MBOAT1: variants seen among roughly 807,000 people sequenced by gnomAD.
MBOAT1 encodes membrane bound glycerophospholipid O-acyltransferase 1.
In MBOAT1, 67 loss-of-function variants were observed where a neutral mutation model predicts 64.4. The observed-to-expected ratio is 1.04, with a 90% confidence interval of 0.85 to 1.27. MBOAT1 has a LOEUF of 1.27. Ranked by LOEUF, MBOAT1 falls within the 50% of genes most tolerant of loss-of-function variation. The pLI is 0.00. For missense variants in MBOAT1, 563 were observed against 604.6 expected (o/e 0.93, Z 0.72); for synonymous variants, 229 against 218.9 (o/e 1.05, Z -0.41).
At chr6:20,211,751 A>C (rs1402154334) in intron 1 of MBOAT1, among the ~76,000 whole-genome samples, 1 of 152,122 alleles carries the variant, frequency 6.6e-6, no homozygotes, top group Non-Finnish European at 1.5e-5. Flanking sequence ...CTTGTTTTTT[A>C]AGTAGGGTCA....
chr6:20,134,161 C>G (rs1760911768), intron 4 of MBOAT1, among the ~76,000 whole-genome samples: 1 of 152,182 alleles, frequency 6.6e-6, no homozygotes, highest in Admixed American at 6.5e-5. Context: ...ATCCATTTCC[C>G]TCTCCAATTT....
intron 1 of MBOAT1, among the ~76,000 whole-genome samples, chr6:20,186,680 G>C (rs1022655591): frequency 6.6e-6 from 1 of 152,182 alleles, no homozygotes; most frequent in African/African-American, 2.4e-5. Context: ...TCAAAGGTAC[G>C]TCTGTGGCAA....
At position 20,212,206 on chromosome 6, in the gene MBOAT1, A is replaced by C. The variant is rs1292948224; in HGVS notation, c.29T>G (p.Leu10Arg). The C allele has an allele frequency of 8.7e-6, 14 of 1,613,158 alleles. No homozygotes were observed. The highest frequency in any genetic ancestry group is 1.2e-5 in the Non-Finnish European group (14 of 1,179,842). MAAEPQPSS[L>R]SYRTTGSTYL... ...GGTGGAGCCCGTGGTGCGGTAGGAA[A>C]GGCTGGACGGCTGCGGCTCTGCTGC... The change falls in exon 1 of 13, where the codon CTT becomes CGT. Residue 10 changes from leucine to arginine, a missense_variant. Transcript: ENST00000324607.
At chr6:20,107,563 G>A (rs143237183) in intron 12 of MBOAT1, among the ~76,000 whole-genome samples, 1,809 of 152,178 alleles carry the variant, frequency 0.012, 12 homozygotes, top group Non-Finnish European at 0.018. Flanking sequence ...TTATACATGT[G>A]TCAATTACTC....
chr6:20,132,854 C>A (rs1308776307), intron 4 of MBOAT1, among the ~76,000 whole-genome samples: 6 of 152,182 alleles, frequency 3.9e-5, no homozygotes, highest in African/African-American at 1.4e-4. Context: ...TATAAAAACA[C>A]TCTTACAACT....
At chr6:20,163,111 C>G (rs1025086220) in intron 1 of MBOAT1, among the ~76,000 whole-genome samples, 1 of 152,208 alleles carries the variant, frequency 6.6e-6, no homozygotes, top group African/African-American at 2.4e-5. Context: ...ATTGTGCTGT[C>G]TCTTTAGGCT....
At chr6:20,208,291 CA>C (rs1309845484) in intron 1 of MBOAT1, among the ~76,000 whole-genome samples, 3 of 151,684 alleles carry the variant, frequency 2.0e-5, no homozygotes, top group Non-Finnish European at 4.4e-5. Flanking sequence ...ACTAAAAATA[CA>C]AAAATTAGCC....
At chr6:20,145,599 C>G (rs1218389778) in intron 3 of MBOAT1, among the ~76,000 whole-genome samples, 1 of 152,234 alleles carries the variant, frequency 6.6e-6, no homozygotes, top group East Asian at 1.9e-4. Flanking sequence ...ATTGCAACCC[C>G]TGAACACAGC....
At chr6:20,211,046 C>T (rs58985578) in intron 1 of MBOAT1, among the ~76,000 whole-genome samples, 15,967 of 152,206 alleles carry the variant, frequency 0.1, 1,088 homozygotes, top group African/African-American at 0.19. Context: ...TTTCTGTATT[C>T]TGCAACTGAT....
intron 12 of MBOAT1, among the ~76,000 whole-genome samples, chr6:20,106,961 C>A (rs554703748): frequency 6.6e-6 from 1 of 152,138 alleles, no homozygotes; most frequent in African/African-American, 2.4e-5. Context: ...TTCCTGCCTA[C>A]GCCTAGTTGT....
At chr6:20,111,859 C>CATATATATACATATATATACATATAT (rs1760170337) in intron 11 of MBOAT1, among the ~76,000 whole-genome samples, 1 of 108,646 alleles carries the variant, frequency 9.2e-6, no homozygotes, top group African/African-American at 4.2e-5. Context: ...TATATATATA[C>CATATATATACATATATATACATATAT]ATATATATAC....
intron 1 of MBOAT1, among the ~76,000 whole-genome samples, chr6:20,180,566 G>A (rs1042440174): frequency 6.6e-6 from 1 of 152,048 alleles, no homozygotes; most frequent in Non-Finnish European, 1.5e-5. Context: ...CCTACTCTCT[G>A]ACCCTCATAG....
At chr6:20,210,056 G>C (rs1012389784) in intron 1 of MBOAT1, among the ~76,000 whole-genome samples, 3 of 152,186 alleles carry the variant, frequency 2.0e-5, no homozygotes, top group East Asian at 3.8e-4. Flanking sequence ...ATTCATTAAA[G>C]TCTGTTCATT....
At chr6:20,110,350 C>T (rs541188771) in intron 11 of MBOAT1, among the ~76,000 whole-genome samples, 2 of 151,832 alleles carry the variant, frequency 1.3e-5, no homozygotes, top group African/African-American at 2.4e-5. Context: ...GTAGCTGAGA[C>T]TAAAGGCACA....
chr6:20,104,781 C>T (rs1759902989), intron 12 of MBOAT1, among the ~76,000 whole-genome samples: 1 of 152,226 alleles, frequency 6.6e-6, no homozygotes, highest in African/African-American at 2.4e-5. Flanking sequence ...AGGAGGAATG[C>T]CTCCCTGACA....
intron 8 of MBOAT1, among the ~76,000 whole-genome samples, chr6:20,121,898 C>T (rs2113645401): frequency 6.6e-6 from 1 of 152,308 alleles, no homozygotes; most frequent in East Asian, 1.9e-4. Context: ...GGAACAGTGG[C>T]TCATGTCTGT....
chr6:20,130,726 A>G (rs919842212), intron 5 of MBOAT1, among the ~76,000 whole-genome samples: 8 of 151,996 alleles, frequency 5.3e-5, no homozygotes, highest in Non-Finnish European at 1.0e-4. Context: ...ACAAAAACCA[A>G]CCTAGCATTT....
rs1759771183 is a variant in MBOAT1, at chr6:20,101,005, T to G, written c.*1281A>C. On this transcript the variant is annotated 3_prime_UTR_variant, in exon 13 of 13. Coordinates refer to ENST00000324607, the MANE Select transcript of MBOAT1 (RefSeq NM_001080480.3). Reference sequence around the variant, plus strand: ...TGATTCAACTAAAACAAAGCTGAATTTCTCAGCTATGAAACTGAAAAAATG... The same window carrying G: ...TGATTCAACTAAAACAAAGCTGAATGTCTCAGCTATGAAACTGAAAAAATG... Among the ~76,000 whole-genome samples the G allele has an allele frequency of 6.6e-6, 1 of 152,148 alleles. No homozygotes were observed. Among genetic ancestry groups the G allele is most frequent in the African/African-American group, 2.4e-5 (1 of 41,428 alleles).
At chr6:20,123,145 T>C (rs1168737829) in intron 8 of MBOAT1, among the ~76,000 whole-genome samples, 2 of 150,498 alleles carry the variant, frequency 1.3e-5, no homozygotes, top group African/African-American at 4.9e-5. Context: ...AATTATAATT[T>C]TTTTTAAAAA....
Sources: gnomAD v4.1 joint callset for allele counts (sites outside exome capture counted in the v4.1 genomes callset) on GRCh38, gnomAD v4.1.1 for gene constraint, MANE v1.5 for transcripts, NCBI Gene and HGNC (gene_info 2026-07-23, HGNC 2026-07-21) for gene names.